NKAIN2: variants seen among roughly 807,000 people sequenced by gnomAD.
The protein encoded by NKAIN2 is sodium/potassium-transporting ATPase subunit beta-1-interacting protein 2.
NKAIN2 carries 14 observed loss-of-function variants against 32.6 expected under a neutral mutation model. The observed-to-expected ratio is 0.43, with a 90% CI of 0.28 to 0.67. The LOEUF is 0.67. NKAIN2 is among the 30% of genes least tolerant of loss of function. The probability of loss-of-function intolerance (pLI) is 0.17; values close to 1 mark genes in which losing one functional copy is unlikely to be tolerated. For missense variants in NKAIN2, 198 were observed against 258.3 expected (o/e 0.77, Z 1.60); for synonymous variants, 80 against 87.2 (o/e 0.92, Z 0.46).
chr6:124,667,372 T>A (rs1303146248), intron 4 of NKAIN2, among the ~76,000 whole-genome samples: 1 of 152,170 alleles, frequency 6.6e-6, no homozygotes, highest in Admixed American at 6.6e-5. Flanking sequence ...CAATGTATGA[T>A]CCCATTTTTA....
chr6:124,218,594 T>C (rs1791611786), intron 1 of NKAIN2, among the ~76,000 whole-genome samples: 3 of 152,184 alleles, frequency 2.0e-5, no homozygotes, highest in Admixed American at 6.5e-5. Context: ...CAACTACTAA[T>C]AGCAAAACAA....
chr6:124,265,579 T>C (rs1397801873), intron 1 of NKAIN2, among the ~76,000 whole-genome samples: 2 of 152,228 alleles, frequency 1.3e-5, no homozygotes, highest in Non-Finnish European at 2.9e-5. Context: ...ATGTGCCTTT[T>C]ATCAAAAAGC....
At chr6:124,556,437 T>C in intron 3 of NKAIN2, among the ~76,000 whole-genome samples, 1 of 152,306 alleles carries the variant, frequency 6.6e-6, no homozygotes, top group Admixed American at 6.5e-5. Flanking sequence ...TGGATCAATG[T>C]TATTATCTCA....
intron 1 of NKAIN2, among the ~76,000 whole-genome samples, chr6:124,085,886 T>C (rs2114917352): frequency 6.6e-6 from 1 of 152,068 alleles, no homozygotes; most frequent in South Asian, 2.1e-4. Flanking sequence ...CTCCCATATC[T>C]TCTACTTAAT....
chr6:124,159,846 C>T (rs1342701680), intron 1 of NKAIN2, among the ~76,000 whole-genome samples: 1 of 152,094 alleles, frequency 6.6e-6, no homozygotes, highest in Non-Finnish European at 1.5e-5. Flanking sequence ...TATAAATAAA[C>T]CTGACCATGA....
chr6:124,477,333 C>T (rs1162073079), intron 3 of NKAIN2, among the ~76,000 whole-genome samples: 2 of 152,164 alleles, frequency 1.3e-5, no homozygotes, highest in Non-Finnish European at 2.9e-5. Context: ...GAGTCTTCCA[C>T]AGTGTCTGGA....
chr6:124,563,199 C>T (rs943097879), intron 3 of NKAIN2, among the ~76,000 whole-genome samples: 16 of 151,876 alleles, frequency 1.1e-4, no homozygotes, highest in Admixed American at 2.6e-4. Context: ...CCACTGCGCC[C>T]GGCCAAAAAT....
chr6:123,914,052 G>A (rs147432134), intron 1 of NKAIN2, among the ~76,000 whole-genome samples: 2,010 of 152,206 alleles, frequency 0.013, 28 homozygotes, highest in Middle Eastern at 0.027. Flanking sequence ...AAATACCACA[G>A]ACTGGCTGGC....
chr6:123,941,446 G>A (rs559708005), intron 1 of NKAIN2, among the ~76,000 whole-genome samples: 115 of 151,532 alleles, frequency 7.6e-4, no homozygotes, highest in African/African-American at 2.5e-3. Flanking sequence ...TTTGTATACC[G>A]CAGTGTTACC....
intron 1 of NKAIN2, among the ~76,000 whole-genome samples, chr6:124,018,264 C>A (rs988085171): frequency 6.6e-6 from 1 of 152,114 alleles, no homozygotes; most frequent in Non-Finnish European, 1.5e-5. Context: ...TTACTGAGAC[C>A]AGCCCAAGAA....
At chr6:123,895,153 C>T (rs1774212764) in intron 1 of NKAIN2, among the ~76,000 whole-genome samples, 1 of 151,060 alleles carries the variant, frequency 6.6e-6, no homozygotes, top group South Asian at 2.1e-4. Flanking sequence ...TCTCTCTTTC[C>T]TCAGTTCTCT....
At chr6:124,331,239 C>T (rs187750564) in intron 2 of NKAIN2, among the ~76,000 whole-genome samples, 16 of 150,238 alleles carry the variant, frequency 1.1e-4, no homozygotes, top group South Asian at 2.1e-4. Flanking sequence ...CAGTGGCTCA[C>T]GCCTATAATC....
intron 1 of NKAIN2, among the ~76,000 whole-genome samples, chr6:124,074,513 C>T (rs560502378): frequency 6.6e-6 from 1 of 152,248 alleles, no homozygotes; most frequent in South Asian, 2.1e-4. Context: ...TGCACCTTTG[C>T]ACCCATTACT....
At chr6:124,228,352 G>A (rs990543960) in intron 1 of NKAIN2, among the ~76,000 whole-genome samples, 4 of 152,086 alleles carry the variant, frequency 2.6e-5, no homozygotes, top group African/African-American at 7.2e-5. Flanking sequence ...TTGTAACCAA[G>A]GAAAAGGCCC....
chr6:124,726,986 G>C (rs1052736075), intron 4 of NKAIN2, among the ~76,000 whole-genome samples: 1 of 148,882 alleles, frequency 6.7e-6, no homozygotes, highest in East Asian at 2.0e-4. Context: ...ATGAAATGAA[G>C]CAAGAAGGGA....
At chr6:124,282,321 T>C (rs1795334831) in intron 1 of NKAIN2, 1 of 322,874 alleles carries the variant, frequency 3.1e-6, no homozygotes, top group Non-Finnish European at 5.9e-6. Context: ...TTTCCATTGT[T>C]CTAATTTTCT....
At chr6:124,821,688 A>C (rs143415592) in intron 6 of NKAIN2, among the ~76,000 whole-genome samples, 36 of 152,342 alleles carry the variant, frequency 2.4e-4, no homozygotes, top group African/African-American at 8.2e-4. Context: ...TGTATCAGAG[A>C]TTTCAAGTCT....
intron 2 of NKAIN2, among the ~76,000 whole-genome samples, chr6:124,305,799 A>G (rs1445932732): frequency 6.6e-6 from 1 of 152,168 alleles, no homozygotes; most frequent in Non-Finnish European, 1.5e-5. Context: ...AATTTTCAAT[A>G]TACTCATTGC....
intron 1 of NKAIN2, among the ~76,000 whole-genome samples, chr6:124,170,215 C>A (rs1003446361): frequency 1.3e-5 from 2 of 152,156 alleles, no homozygotes; most frequent in African/African-American, 4.8e-5. Context: ...TTTGCACTCT[C>A]TCTTTTTCCA....
Sources: allele counts gnomAD v4.1 joint callset (sites outside exome capture counted in the v4.1 genomes callset), GRCh38; gene constraint gnomAD v4.1.1; transcripts MANE v1.5; gene names NCBI Gene and HGNC (gene_info 2026-07-23, HGNC 2026-07-21).